BBX: variants seen among roughly 807,000 people sequenced by gnomAD.
BBX encodes BBX high mobility group box domain containing, also known as HMG box transcription factor BBX.
In BBX, 30 loss-of-function variants were observed where a neutral mutation model predicts 100.2. That is an observed-to-expected ratio of 0.30 (90% CI 0.22 to 0.41). The LOEUF (loss-of-function observed/expected upper bound fraction) is 0.41. BBX is among the 10% of genes least tolerant of loss of function. BBX has a pLI of 1.00. For missense variants in BBX, 1,023 were observed against 1,129.8 expected, an observed-to-expected ratio of 0.91 and a Z score of 1.35; for synonymous variants, 376 against 388.1, an observed-to-expected ratio of 0.97 and a Z score of 0.37.
intron 3 of BBX, among the ~76,000 whole-genome samples, chr3:107,706,367 A>G (rs1054925604): frequency 2.0e-5 from 3 of 152,070 alleles, no homozygotes; most frequent in African/African-American, 7.2e-5. Context: ...AATTTTTCCT[A>G]ATCTGTCAAT....
chr3:107,680,929 CAGA>C (rs1444743255), intron 3 of BBX, among the ~76,000 whole-genome samples: 2 of 152,126 alleles, frequency 1.3e-5, no homozygotes, highest in Non-Finnish European at 2.9e-5. Flanking sequence ...CCTAAACTTG[CAGA>C]AGTAGTGTTT....
chr3:107,628,765 A>G (rs570971804), intron 2 of BBX, among the ~76,000 whole-genome samples: 27 of 152,182 alleles, frequency 1.8e-4, no homozygotes, highest in Admixed American at 4.6e-4. Flanking sequence ...AAGATGTGCA[A>G]TTTACACTGT....
chr3:107,699,906 A>G (rs2060918157), intron 3 of BBX, among the ~76,000 whole-genome samples: 1 of 151,990 alleles, frequency 6.6e-6, no homozygotes, highest in Non-Finnish European at 1.5e-5. Flanking sequence ...AACAATTTGT[A>G]AGTTCTTTCT....
At chr3:107,776,480 A>G (rs1034892403) in intron 12 of BBX, 1 of 152,086 alleles carries the variant, frequency 6.6e-6, no homozygotes, top group African/African-American at 2.4e-5. Flanking sequence ...TCTCCCTTTA[A>G]ATATTGGCCT....
chr3:107,719,867 C>T (rs1348777212), intron 5 of BBX, among the ~76,000 whole-genome samples: 20 of 151,944 alleles, frequency 1.3e-4, no homozygotes, highest in Non-Finnish European at 1.5e-5. Context: ...ACTGCTGGAA[C>T]CTTCTATTTG....
At chr3:107,753,464 A>G (rs979164330) in intron 9 of BBX, among the ~76,000 whole-genome samples, 9 of 152,140 alleles carry the variant, frequency 5.9e-5, no homozygotes, top group Admixed American at 5.2e-4. Flanking sequence ...GCTTCCCTGT[A>G]CCTGTAAACA....
At chr3:107,690,369 A>T (rs546281788) in intron 3 of BBX, among the ~76,000 whole-genome samples, 2 of 152,312 alleles carry the variant, frequency 1.3e-5, no homozygotes, top group East Asian at 3.9e-4. Flanking sequence ...CCATTGTGTA[A>T]ATATGGAAAG....
In BBX at chr3:107,646,357, A is replaced by G. The variant is rs574664567; in HGVS notation, c.-10+448A>G. Among the ~76,000 whole-genome samples, 19 of 152,268 alleles carry G rather than the reference A, an allele frequency of 1.2e-4. No individual in the cohort carries two copies. The East Asian group carries it at 3.7e-3, about 29-fold the overall frequency. On this transcript the variant is annotated intron_variant, in intron 3 of 17. Transcript: ENST00000325805. ...TGTTAAAAATAATAGAGGTGGGTGT[A>G]GCTGCATCTTGAAATCACTTTATAT... is the stretch of plus-strand genomic sequence containing the variant.
intron 7 of BBX, among the ~76,000 whole-genome samples, chr3:107,733,895 C>T (rs757151984): frequency 1.3e-5 from 2 of 152,196 alleles, no homozygotes; most frequent in Non-Finnish European, 2.9e-5. Flanking sequence ...GGCAGTTAAC[C>T]ATGCACAGTC....
intron 2 of BBX, among the ~76,000 whole-genome samples, chr3:107,640,571 C>T (rs2057128663): frequency 6.6e-6 from 1 of 152,084 alleles, no homozygotes; most frequent in South Asian, 2.1e-4. Context: ...TATTATGCTA[C>T]TATTATTTAG....
chr3:107,584,357 T>A (rs1298391156), intron 2 of BBX, among the ~76,000 whole-genome samples: 1 of 147,282 alleles, frequency 6.8e-6, no homozygotes, highest in African/African-American at 2.5e-5. Context: ...AACAATACTA[T>A]TTTTTCTTTA....
chr3:107,765,108 A>G (rs2066274818), intron 10 of BBX, among the ~76,000 whole-genome samples: 1 of 152,252 alleles, frequency 6.6e-6, no homozygotes, highest in African/African-American at 2.4e-5. Flanking sequence ...AGAGCAAAAC[A>G]GTCTACCAAA....
chr3:107,767,123 C>T (rs1263411584), intron 10 of BBX, among the ~76,000 whole-genome samples: 3 of 152,192 alleles, frequency 2.0e-5, no homozygotes, highest in Non-Finnish European at 4.4e-5. Context: ...TATGTTGCAG[C>T]AGACCACCAT....
At chr3:107,801,813 A>G (rs7644739) in intron 17 of BBX, among the ~76,000 whole-genome samples, 16,130 of 152,208 alleles carry the variant, frequency 0.11, 1,070 homozygotes, top group Middle Eastern at 0.16. Context: ...GTGCAGTTCA[A>G]GGGAAAGAGC....
chr3:107,644,013 C>G (rs1382379498), intron 2 of BBX, among the ~76,000 whole-genome samples: 1 of 152,132 alleles, frequency 6.6e-6, no homozygotes, highest in Non-Finnish European at 1.5e-5. Context: ...CAAAGCATAG[C>G]CAATCTCCTC....
At chr3:107,624,556 C>A (rs559378758) in intron 2 of BBX, among the ~76,000 whole-genome samples, 1 of 152,084 alleles carries the variant, frequency 6.6e-6, no homozygotes, top group Non-Finnish European at 1.5e-5. Flanking sequence ...TCATGCAATG[C>A]GGGACTGATT....
chr3:107,692,773 G>A (rs1484907625), intron 3 of BBX, among the ~76,000 whole-genome samples: 48 of 147,674 alleles, frequency 3.3e-4, no homozygotes, highest in South Asian at 1.8e-3. Context: ...GAATCGCCAC[G>A]CTGACTTCCA....
At chr3:107,540,161 TAG>T (rs2107354691) in intron 2 of BBX, among the ~76,000 whole-genome samples, 1 of 152,292 alleles carries the variant, frequency 6.6e-6, no homozygotes, top group Non-Finnish European at 1.5e-5. Flanking sequence ...GCAGAGGCCA[TAG>T]ATTTATAGAC....
At chr3:107,628,774 G>T (rs1230734204) in intron 2 of BBX, among the ~76,000 whole-genome samples, 1 of 152,026 alleles carries the variant, frequency 6.6e-6, no homozygotes, top group Non-Finnish European at 1.5e-5. Flanking sequence ...AATTTACACT[G>T]TCTTGCTCTG....
Sources: allele counts gnomAD v4.1 joint callset (sites outside exome capture counted in the v4.1 genomes callset), GRCh38; gene constraint gnomAD v4.1.1; transcripts MANE v1.5; gene names NCBI Gene and HGNC (gene_info 2026-07-23, HGNC 2026-07-21).